The following MED24 variants were observed in gnomAD, a reference collection of about 807,000 sequenced individuals.
The protein encoded by MED24 is mediator of RNA polymerase II transcription subunit 24.
In MED24, 74 loss-of-function variants were observed where a neutral mutation model predicts 118.8. That is an observed-to-expected ratio of 0.62 (90% CI 0.52 to 0.76). The LOEUF is 0.76. Ranked by LOEUF, MED24 falls within the 30% of genes least tolerant of loss-of-function variation. MED24 has a pLI of 0.00. For synonymous variants in MED24, 521 were observed against 523.9 expected (o/e 0.99, Z 0.08); for missense variants, 1,041 against 1,278.9 (o/e 0.81, Z 2.84).
chr17:40,051,353 C>T (rs1286303227), intron 3 of MED24, among the ~76,000 whole-genome samples: 2 of 151,772 alleles, frequency 1.3e-5, no homozygotes, highest in Non-Finnish European at 2.9e-5. Flanking sequence ...CAGTGGCTCA[C>T]GCCTGTAAAC....
chr17:40,044,242 G>A lies in MED24; in HGVS notation c.214-8088C>T, dbSNP rs150809394. Among the ~76,000 whole-genome samples the A allele has an allele frequency of 1.2e-3, 187 of 151,362 alleles. 1 individual carries two copies. Among genetic ancestry groups the A allele is most frequent in the African/African-American group, 2.6e-3 (107 of 41,252 alleles). Reference sequence around the variant, plus strand: ...TTATGTATTCATAAATACATAGGCCGGGCGCAGTGGCTTACGCCTGTAATC... The same window carrying A: ...TTATGTATTCATAAATACATAGGCCAGGCGCAGTGGCTTACGCCTGTAATC... On this transcript the variant is annotated intron_variant, in intron 3 of 25. Coordinates refer to ENST00000394128, the MANE Select transcript of MED24 (RefSeq NM_014815.4).
At chr17:40,025,111 C>T (rs1339711647) in intron 19 of MED24, among the ~76,000 whole-genome samples, 1 of 152,318 alleles carries the variant, frequency 6.6e-6, no homozygotes, top group African/African-American at 2.4e-5. Context: ...GCTTTGAGGA[C>T]ACCATGCTGA....
In MED24 at chr17:40,033,495, C is replaced by T. The variant is rs181784370; in HGVS notation, c.560-39G>A. 1.3e-6 allele frequency: 2 copies of T among 1,517,882 alleles called. No individual in the cohort carries two copies. The highest frequency in any genetic ancestry group is 2.4e-5 in the East Asian group (1 of 41,118). 94.0% of individuals were successfully genotyped at this position (1,517,882 alleles called of 1,614,324 possible). On this transcript the variant is annotated intron_variant, in intron 6 of 25. Transcript: ENST00000394128. The surrounding 1 kb of genome is among the most constrained non-coding windows in gnomAD (Gnocchi z 5.2). ...GGAAGTACAGAAACATGATGGGAAACAGGAGAGAAGGAGCACCTGGCCCTG... is the reference window on the plus strand; with the variant it reads ...GGAAGTACAGAAACATGATGGGAAATAGGAGAGAAGGAGCACCTGGCCCTG...
chr17:40,051,040 G>A (rs1985780491), intron 3 of MED24, among the ~76,000 whole-genome samples: 2 of 151,046 alleles, frequency 1.3e-5, no homozygotes, highest in African/African-American at 4.9e-5. Flanking sequence ...GGAGGCTAAG[G>A]CAGGAGAATC....
intron 4 of MED24, 69 bp downstream of exon 4, chr17:40,036,047 C>A (rs1273632762): frequency 6.6e-7 from 1 of 1,510,758 alleles, no homozygotes; most frequent in African/African-American, 1.4e-5. Context: ...GTCACAGCAT[C>A]AGGGCCGTCA....
intron 13 of MED24, 130 bp from the exon 14 acceptor site, chr17:40,029,098 A>G: frequency 7.6e-7 from 1 of 1,307,458 alleles, no homozygotes; most frequent in Non-Finnish European, 1.1e-6. Context: ...AATCTGGAAA[A>G]TCATTCCTAA....
rs373693120 is a variant in MED24 at position 40,019,663 on chromosome 17, A to T, written c.2854-18T>A. ...TCCGACACCTGCCACGGACAGACAG[A>T]TGCTGCTTGCGGGACGGCTGGTGGT... is the stretch of plus-strand genomic sequence containing the variant. On this transcript the variant is annotated intron_variant, in intron 25 of 25. Transcript: ENST00000394128. 70 of 1,585,170 alleles carry T rather than the reference A, an allele frequency of 4.4e-5. No homozygotes were observed. The African/African-American group carries it at 8.2e-4, about 19-fold the overall frequency.
Position 40,049,803 on chromosome 17 carries a change from C to T in MED24, c.213+3495G>A, listed in dbSNP as rs1005779553. Among the ~76,000 whole-genome samples the T allele has an allele frequency of 9.9e-5, 15 of 151,552 alleles. No homozygotes were observed. In the East Asian group the frequency reaches 2.0e-3, roughly 20 times the overall value. ...GCCTTGCAAAGTGCTGGGATTAAGG[C>T]GTGAGCCACCACACCCCACCTTAAT... On this transcript the variant is annotated intron_variant, in intron 3 of 25. Coordinates refer to ENST00000394128, the MANE Select transcript of MED24 (RefSeq NM_014815.4).
intron 12 of MED24, among the ~76,000 whole-genome samples, chr17:40,030,270 G>A (rs995975702): frequency 4.0e-5 from 6 of 150,996 alleles, no homozygotes; most frequent in East Asian, 3.9e-4. Context: ...GATTACAGGT[G>A]AGCCAGCACA....
In MED24 at chr17:40,036,099, A is replaced by G; in HGVS notation, c.252+17T>C. 1 of 1,607,700 alleles carries G rather than the reference A, an allele frequency of 6.2e-7. No individual in the cohort carries two copies. The highest frequency in any genetic ancestry group is 8.5e-7 in the Non-Finnish European group (1 of 1,174,108). On this transcript the variant is annotated intron_variant, in intron 4 of 25. Coordinates refer to ENST00000394128, the MANE Select transcript of MED24 (RefSeq NM_014815.4). ...TCTGTCATCCCCAATCTAGCTCCTGAGTGTCTATGGTCATACCTTACTGAT... is the reference window on the plus strand; with the variant it reads ...TCTGTCATCCCCAATCTAGCTCCTGGGTGTCTATGGTCATACCTTACTGAT...
rs376225468 is a variant in MED24 at position 40,031,154 on chromosome 17, C to T, written c.1154+5G>A. On this transcript the variant is annotated splice_donor_5th_base_variant and intron_variant, in intron 12 of 25. Transcript: ENST00000394128. ...TTGGGGTAGCACAGGTGCGTTCACACTTACCGCTTAGCCATAAGGTTGTTG... is the reference window on the plus strand; with the variant it reads ...TTGGGGTAGCACAGGTGCGTTCACATTTACCGCTTAGCCATAAGGTTGTTG... 6.8e-5 allele frequency: 106 copies of T among 1,560,170 alleles called. No homozygotes were observed. Among genetic ancestry groups the T allele is most frequent in the Admixed American group, 1.3e-4 (7 of 51,914 alleles).
intron 1 of MED24, 40 bp from the exon 2 acceptor site, chr17:40,053,675 A>C: frequency 6.2e-7 from 1 of 1,609,970 alleles, no homozygotes; most frequent in Non-Finnish European, 8.5e-7. Flanking sequence ...AAAGGACATG[A>C]GGTTCTAAGG....
intron 12 of MED24, among the ~76,000 whole-genome samples, chr17:40,030,379 T>G (rs1983215006): frequency 6.6e-6 from 1 of 151,920 alleles, no homozygotes; most frequent in Admixed American, 6.6e-5. Context: ...CAGTACAACC[T>G]CTGCTTTCCG....
At chr17:40,026,071 G>T in intron 19 of MED24, 85 bp downstream of exon 19, 1 of 1,434,826 alleles carries the variant, frequency 7.0e-7, no homozygotes, top group Non-Finnish European at 9.6e-7. Flanking sequence ...GCGAAGGTCA[G>T]AAAAGAGAGG....
At position 40,023,291 on chromosome 17, in the gene MED24, T is replaced by A; in HGVS notation, c.2090A>T (p.Tyr697Phe). Residue 697 changes from tyrosine to phenylalanine, a missense_variant, in exon 20 of 26, where the codon TAC becomes TTC. Tyr to Phe is a conservative substitution (Grantham distance 22, BLOSUM62 3). This residue lies in a region of MED24 where 587 missense variants were observed against 694.4 expected (regional missense o/e 0.85). Transcript: ENST00000394128. ...FPSTGVDTMP[Y>F]WNLLPPKRPI... ...CCGCTTGGGGGGCAGCAGGTTCCAG[T>A]AGGGCATTGTGTCCACCCCGGTGGA... 6.2e-7 allele frequency: 1 copy of A among 1,614,112 alleles called. No homozygotes were observed. Among genetic ancestry groups the A allele is most frequent in the Non-Finnish European group, 8.5e-7 (1 of 1,179,998 alleles).
At chr17:40,047,890 C>T (rs1447097497) in intron 3 of MED24, among the ~76,000 whole-genome samples, 3 of 151,874 alleles carry the variant, frequency 2.0e-5, no homozygotes, top group Non-Finnish European at 4.4e-5. Flanking sequence ...CCACCATGCC[C>T]GGCTAATTTT....
intron 3 of MED24, among the ~76,000 whole-genome samples, chr17:40,038,139 AT>A (rs146857036): frequency 0.2 from 30,708 of 151,984 alleles, 3,117 homozygotes; most frequent in South Asian, 0.27. Context: ...TCCAAAATAC[AT>A]TTTGGGAAAT....
Position 40,033,737 on chromosome 17 carries a change from GGAGA to G in MED24, c.560-285_560-282del, listed in dbSNP as rs1241408464. On this transcript the variant is annotated intron_variant, in intron 6 of 25. Coordinates refer to ENST00000394128, the MANE Select transcript of MED24 (RefSeq NM_014815.4). This position sits in a 1 kb window ranked among gnomAD's most constrained non-coding sequence, Gnocchi z 5.2. ...GAAGGTATGGCATCACACAGGCTCA[GGAGA>G]GAGAGGCAGAGGGAGGCCAGAATCC... 4 of 573,492 alleles carry G rather than the reference GGAGA, an allele frequency of 7.0e-6. No homozygotes were observed. The highest frequency in any genetic ancestry group is 3.7e-5 in the African/African-American group (2 of 53,948). 35.5% of individuals were successfully genotyped at this position (573,492 alleles called of 1,614,324 possible).
In MED24 at chr17:40,019,308, T is replaced by A. The variant is rs709591; in HGVS notation, c.*221A>T. The stretch of plus-strand genomic sequence containing the variant: ...TGGGCTTGTGGTCCAGGCTGCTCAC[T>A]CTCCTCAGGTGCCAGCAGATGGAGA... On this transcript the variant is annotated 3_prime_UTR_variant, in exon 26 of 26. Transcript: ENST00000394128. 0.37 allele frequency: 203,518 copies of A among 555,582 alleles called. 38,407 individuals are homozygous for A. Among genetic ancestry groups the A allele is most frequent in the East Asian group, 0.43 (13,966 of 32,502 alleles). The allele number at this position is 555,582 out of a possible 1,614,324, so 34.4% of individuals were successfully genotyped here.
Sources: allele counts gnomAD v4.1 joint callset (sites outside exome capture counted in the v4.1 genomes callset), GRCh38; gene constraint gnomAD v4.1.1; regional missense constraint gnomAD v4.1.1; non-coding constraint Gnocchi (gnomAD v3.1); transcripts MANE v1.5; gene names NCBI Gene and HGNC (gene_info 2026-07-23, HGNC 2026-07-21).